The following SLX9 variants were observed in gnomAD, a reference collection of about 807,000 sequenced individuals.
SLX9 encodes ribosome biogenesis protein SLX9 homolog.
In SLX9, 19 loss-of-function variants were observed where a neutral mutation model predicts 20.8. The observed-to-expected ratio is 0.91, with a 90% CI of 0.64 to 1.34. The LOEUF (loss-of-function observed/expected upper bound fraction) is 1.34. Ranked by LOEUF, SLX9 falls within the 40% of genes most tolerant of loss-of-function variation. The probability of loss-of-function intolerance (pLI) is 0.00; values close to 1 mark genes in which losing one functional copy is unlikely to be tolerated. For synonymous variants in SLX9, 113 were observed against 137.1 expected (o/e 0.82, Z 1.23); for missense variants, 299 against 322.2 (o/e 0.93, Z 0.55).
chr21:44,940,808 C>A (rs1460575976), intron 1 of SLX9, among the ~76,000 whole-genome samples: 9 of 151,884 alleles, frequency 5.9e-5, no homozygotes, highest in Non-Finnish European at 1.3e-4. Flanking sequence ...GGCAAGTCTT[C>A]AGCCATTATT....
At chr21:44,954,870 G>A (rs529995871) in intron 2 of SLX9, among the ~76,000 whole-genome samples, 1 of 152,260 alleles carries the variant, frequency 6.6e-6, no homozygotes, top group East Asian at 1.9e-4. Flanking sequence ...TTTTAAAAAG[G>A]TCTTTGGGTT....
intron 2 of SLX9, among the ~76,000 whole-genome samples, chr21:44,957,862 A>G (rs2084886049): frequency 6.6e-6 from 1 of 152,188 alleles, no homozygotes. Context: ...TGAGCTGTGG[A>G]CTGAGCGGGC....
chr21:44,954,126 G>A (rs1233381087), intron 2 of SLX9, among the ~76,000 whole-genome samples: 1 of 152,154 alleles, frequency 6.6e-6, no homozygotes, highest in Non-Finnish European at 1.5e-5. Context: ...TGTGGGGTGA[G>A]CTAACACTGG....
At position 44,944,742 on chromosome 21, in the gene SLX9, C is replaced by T. The variant is rs796720314; in HGVS notation, c.283+905C>T. 3.9e-5 allele frequency among the ~76,000 whole-genome samples: 6 copies of T among 152,156 alleles called. No homozygotes were observed. In the South Asian group the frequency reaches 6.2e-4, roughly 16 times the overall value. On this transcript the variant is annotated intron_variant, in intron 2 of 5. Transcript: ENST00000291634. ...GCTTCACAGTCGGCAGAGCTGGGAGCGCCAGGACAGGGCAGGAGCCGGGTC... is the reference window on the plus strand; with the variant it reads ...GCTTCACAGTCGGCAGAGCTGGGAGTGCCAGGACAGGGCAGGAGCCGGGTC...
In SLX9 at chr21:44,967,069, A is replaced by G. The variant is rs1282717440; in HGVS notation, c.388A>G (p.Arg130Gly). 5 of 1,611,624 alleles carry G rather than the reference A, an allele frequency of 3.1e-6. No individual in the cohort carries two copies. The highest frequency in any genetic ancestry group is 4.2e-6 in the Non-Finnish European group (5 of 1,179,644). The stretch of plus-strand genomic sequence containing the variant: ...CATAAAACTGGCTGAGCAGAAGCAC[A>G]GGGAGGAGCGGAGGCGGAGGGCCAC... ...EAIKLAEQKH[R>G]EERRRRATVV... Residue 130 changes from arginine to glycine, a missense_variant, in exon 4 of 6, where the codon AGG becomes GGG. Arg to Gly is a moderately radical substitution (Grantham distance 125). Transcript: ENST00000291634.
chr21:44,952,431 C>A (rs2146630252), intron 2 of SLX9, among the ~76,000 whole-genome samples: 1 of 152,366 alleles, frequency 6.6e-6, no homozygotes, highest in African/African-American at 2.4e-5. Flanking sequence ...GAGTGTGTGG[C>A]CTGATCACCT....
chr21:44,948,245 C>T (rs1176733415), intron 2 of SLX9, among the ~76,000 whole-genome samples: 16 of 141,444 alleles, frequency 1.1e-4, no homozygotes, highest in Middle Eastern at 8.1e-3. Flanking sequence ...TCGGGCGGTC[C>T]GGGGAGCTGG....
At chr21:44,952,529 C>A (rs528840494) in intron 2 of SLX9, among the ~76,000 whole-genome samples, 1 of 152,226 alleles carries the variant, frequency 6.6e-6, no homozygotes, top group Non-Finnish European at 1.5e-5. Context: ...GGTCTGGCCC[C>A]AGCTGCTTCA....
Position 44,967,138 on chromosome 21 carries a change from G to T in SLX9, c.457G>T (p.Glu153Ter). The change falls in exon 4 of 6, where the codon GAG becomes TAG. Residue 153 changes from glutamate (E) to a stop codon, truncating the protein, a stop_gained. Transcript: ENST00000291634. LOFTEE classifies it high-confidence loss of function. ...DLHPLRDALPELLGLEAGSRR... is the reference protein window; with the variant it reads ...DLHPLRDALP Reference sequence around the variant, plus strand: ...GCACCCTCTCAGGGATGCCCTGCCCGAGCTGCTGGGGCTCGAGGCTGGCAG... The same window carrying T: ...GCACCCTCTCAGGGATGCCCTGCCCTAGCTGCTGGGGCTCGAGGCTGGCAG... 3 of 1,604,488 alleles carry T rather than the reference G, an allele frequency of 1.9e-6. No individual in the cohort carries two copies. The highest frequency in any genetic ancestry group is 2.6e-6 in the Non-Finnish European group (3 of 1,175,786).
chr21:44,950,802 C>T (rs932761050), intron 2 of SLX9, among the ~76,000 whole-genome samples: 1 of 152,214 alleles, frequency 6.6e-6, no homozygotes, highest in African/African-American at 2.4e-5. Context: ...TCCTGCACCT[C>T]CTTGCCGGCG....
At chr21:44,943,891 T>A in intron 2 of SLX9, 54 bp downstream of exon 2, 2 of 1,609,836 alleles carry the variant, frequency 1.2e-6, no homozygotes, top group South Asian at 2.2e-5. Flanking sequence ...CTGGGATTGT[T>A]CCCTCAGGCA....
At chr21:44,953,784 A>AC (rs1029387642) in intron 2 of SLX9, among the ~76,000 whole-genome samples, 1 of 151,688 alleles carries the variant, frequency 6.6e-6, no homozygotes, top group African/African-American at 2.4e-5. Context: ...GGGTCGTGCC[A>AC]CCCCCCGGGG....
chr21:44,941,180 A>C (rs2084540633), intron 1 of SLX9, among the ~76,000 whole-genome samples: 1 of 152,090 alleles, frequency 6.6e-6, no homozygotes, highest in Non-Finnish European at 1.5e-5. Flanking sequence ...GGTCTCTTTT[A>C]GTCCTTAGAA....
chr21:44,966,227 G>A (rs943003913), intron 3 of SLX9, among the ~76,000 whole-genome samples: 8 of 152,162 alleles, frequency 5.3e-5, no homozygotes, highest in East Asian at 1.9e-4. Context: ...CCCAGACAGC[G>A]GGATTGGAGA....
intron 4 of SLX9, among the ~76,000 whole-genome samples, chr21:44,971,874 G>A (rs2085156804): frequency 6.6e-6 from 1 of 152,188 alleles, no homozygotes; most frequent in Non-Finnish European, 1.5e-5. Context: ...GATGTCGTCA[G>A]CCCCGGCAGA....
At chr21:44,959,248 A>G in intron 2 of SLX9, 4 of 985,444 alleles carry the variant, frequency 4.1e-6, no homozygotes, top group African/African-American at 1.7e-5. Flanking sequence ...TGGACAAGCC[A>G]GGAAGGTCTG....
chr21:44,959,191 G>T, intron 2 of SLX9: 1 of 985,370 alleles, frequency 1.0e-6, no homozygotes, highest in Non-Finnish European at 1.2e-6. Context: ...CTTTCTCCAG[G>T]CAGGGCTTGC....
At chr21:44,959,890 G>A (rs1428618182) in intron 2 of SLX9, among the ~76,000 whole-genome samples, 1 of 152,216 alleles carries the variant, frequency 6.6e-6, no homozygotes, top group Non-Finnish European at 1.5e-5. Context: ...GCGGGGGGAC[G>A]CTGCTGAGAG....
At chr21:44,957,268 GA>G (rs1305773272) in intron 2 of SLX9, among the ~76,000 whole-genome samples, 1 of 152,244 alleles carries the variant, frequency 6.6e-6, no homozygotes, top group East Asian at 1.9e-4. Flanking sequence ...TCAAGGGTTA[GA>G]GGGGCTGTTC....
Sources: gnomAD v4.1 joint callset for allele counts (sites outside exome capture counted in the v4.1 genomes callset) on GRCh38, gnomAD v4.1.1 for gene constraint, MANE v1.5 for transcripts, NCBI Gene and HGNC (gene_info 2026-07-23, HGNC 2026-07-21) for gene names.